SLC12A7: variants seen among roughly 807,000 people sequenced by gnomAD.
SLC12A7 encodes K-Cl cotransporter 4.
In SLC12A7, 100 loss-of-function variants were observed where a neutral mutation model predicts 120.6. That is an observed-to-expected ratio of 0.83 (90% confidence interval 0.71 to 0.98). SLC12A7 has a LOEUF of 0.98. Ranked by LOEUF, SLC12A7 falls within the 50% of genes least tolerant of loss-of-function variation. The pLI, the probability that SLC12A7 is intolerant of heterozygous loss-of-function variation, is 0.00. For missense variants in SLC12A7, 1,373 were observed against 1,548.1 expected (o/e 0.89, Z 1.90); for synonymous variants, 760 against 678.0 (o/e 1.12, Z -1.88).
intron 21 of SLC12A7, among the ~76,000 whole-genome samples, chr5:1,059,312 C>T (rs1039948391): frequency 6.6e-6 from 1 of 152,246 alleles, no homozygotes; most frequent in Non-Finnish European, 1.5e-5. Context: ...GCAGCAGTCG[C>T]TGCTTAGTGA....
intron 17 of SLC12A7, among the ~76,000 whole-genome samples, chr5:1,066,956 A>T (rs1737119866): frequency 6.6e-6 from 1 of 152,048 alleles, no homozygotes. Flanking sequence ...GATCAGAGCC[A>T]CCACCTGCCT....
chr5:1,069,678 A>G (rs1258231595), intron 17 of SLC12A7, among the ~76,000 whole-genome samples: 1 of 152,202 alleles, frequency 6.6e-6, no homozygotes, highest in East Asian at 1.9e-4. Context: ...GTGGGCACTC[A>G]AAAGCTCCCT....
At chr5:1,143,143 A>G in the SLC12A7 span, among the ~76,000 whole-genome samples, 1 of 152,170 alleles carries the variant, frequency 6.6e-6, no homozygotes, top group Non-Finnish European at 1.5e-5. Flanking sequence ...CAGAAGCCGC[A>G]GCTCAAGGAT....
At chr5:1,134,121 G>C in the SLC12A7 span, among the ~76,000 whole-genome samples, 1 of 152,182 alleles carries the variant, frequency 6.6e-6, no homozygotes, top group East Asian at 1.9e-4. Context: ...AGAGAACTGG[G>C]TGGCTCTCCC....
At chr5:1,078,240 C>T (rs889300023) in intron 11 of SLC12A7, among the ~76,000 whole-genome samples, 2 of 152,120 alleles carry the variant, frequency 1.3e-5, no homozygotes, top group South Asian at 4.1e-4. Context: ...ACCTCAGGGT[C>T]GCTCTTGGGA....
the SLC12A7 span, among the ~76,000 whole-genome samples, chr5:1,137,814 G>T: frequency 6.6e-6 from 1 of 152,228 alleles, no homozygotes; most frequent in African/African-American, 2.4e-5. Context: ...CAGCACAAGC[G>T]CCTGGATCTG....
intron 17 of SLC12A7, among the ~76,000 whole-genome samples, chr5:1,066,390 A>C (rs1403839243): frequency 6.6e-6 from 1 of 152,170 alleles, no homozygotes; most frequent in African/African-American, 2.4e-5. Context: ...AATGAGATTT[A>C]CATGAGAGTT....
chr5:1,081,699 T>C lies in SLC12A7; in HGVS notation c.1175A>G (p.Lys392Arg). ...TYAHAGAFVE[K>R]KGVPSVPVAE... Reference sequence around the variant, plus strand: ...CACGGGCACCGAGGGCACACCTTTCTTCTCCACAAACGCCCCCGCGTGCGC... The same window carrying C: ...CACGGGCACCGAGGGCACACCTTTCCTCTCCACAAACGCCCCCGCGTGCGC... The change falls in exon 9 of 24, where the codon AAG becomes AGG. Residue 392 changes from lysine to arginine, a missense_variant. By Grantham distance (26) the Lys-to-Arg change is conservative. Coordinates refer to ENST00000264930, the MANE Select transcript of SLC12A7 (RefSeq NM_006598.3). The C allele has an allele frequency of 1.2e-6, 2 of 1,613,100 alleles. No homozygotes were observed. Among genetic ancestry groups the C allele is most frequent in the Non-Finnish European group, 1.7e-6 (2 of 1,179,978 alleles).
chr5:1,120,939 G>A, the SLC12A7 span, among the ~76,000 whole-genome samples: 2 of 152,328 alleles, frequency 1.3e-5, no homozygotes, highest in South Asian at 2.1e-4. Context: ...GCCCGAGCTC[G>A]GAGCTCACCC....
At chr5:1,109,983 C>T (rs1267915901) in intron 1 of SLC12A7, among the ~76,000 whole-genome samples, 4 of 152,232 alleles carry the variant, frequency 2.6e-5, no homozygotes, top group Non-Finnish European at 5.9e-5. Context: ...CCGGCTTCTG[C>T]AGGACCCCCG....
At chr5:1,085,542 GC>G in intron 6 of SLC12A7, 69 bp from the exon 7 acceptor site, 1 of 1,494,964 alleles carries the variant, frequency 6.7e-7, no homozygotes, top group Non-Finnish European at 8.9e-7. Context: ...CCTCCCGCAA[GC>G]CCCCAGCGCC....
the SLC12A7 span, among the ~76,000 whole-genome samples, chr5:1,134,447 G>A: frequency 6.6e-6 from 1 of 151,010 alleles, no homozygotes; most frequent in Admixed American, 6.6e-5. Flanking sequence ...TTCAGCCTGG[G>A]CAATAAGAGC....
intron 21 of SLC12A7, among the ~76,000 whole-genome samples, chr5:1,060,128 C>T (rs1315142073): frequency 1.3e-5 from 2 of 152,262 alleles, no homozygotes; most frequent in East Asian, 3.8e-4. Context: ...ACCCGCACGC[C>T]CAGGCTCCGA....
intron 20 of SLC12A7, 141 bp from the exon 21 acceptor site, chr5:1,060,592 C>T: frequency 1.5e-6 from 1 of 646,422 alleles, no homozygotes; most frequent in Non-Finnish European, 2.7e-6. Context: ...CCCCCTCTGG[C>T]TCTCAGGCCC....
chr5:1,103,539 T>C (rs769218457), intron 1 of SLC12A7, among the ~76,000 whole-genome samples: 22 of 152,206 alleles, frequency 1.4e-4, no homozygotes, highest in Admixed American at 9.1e-4. Flanking sequence ...ACTCACACGC[T>C]TCCCCCCTCA....
chr5:1,136,120 G>A, the SLC12A7 span, among the ~76,000 whole-genome samples: 1 of 152,192 alleles, frequency 6.6e-6, no homozygotes, highest in South Asian at 2.1e-4. Context: ...AGAGGAGACT[G>A]CGGAGAGGCC....
intron 10 of SLC12A7, among the ~76,000 whole-genome samples, 155 bp from the exon 11 acceptor site, chr5:1,078,913 C>A (rs1037091285): frequency 2.6e-5 from 4 of 152,050 alleles, no homozygotes; most frequent in African/African-American, 9.7e-5. Context: ...CATCCCATCC[C>A]GGGCACGTCC....
At chr5:1,130,680 G>A in the SLC12A7 span, among the ~76,000 whole-genome samples, 2 of 147,354 alleles carry the variant, frequency 1.4e-5, no homozygotes, top group African/African-American at 5.0e-5. Context: ...GTGCACCTGT[G>A]CCTGCCCAGA....
intron 22 of SLC12A7, among the ~76,000 whole-genome samples, chr5:1,054,171 C>T (rs1425997144): frequency 2.0e-5 from 3 of 152,244 alleles, no homozygotes; most frequent in African/African-American, 7.2e-5. Flanking sequence ...CCTGTCTGGC[C>T]AAGGGCTAAA....
Sources: gnomAD v4.1 joint callset for allele counts (sites outside exome capture counted in the v4.1 genomes callset) on GRCh38, gnomAD v4.1.1 for gene constraint, MANE v1.5 for transcripts, NCBI Gene and HGNC (gene_info 2026-07-23, HGNC 2026-07-21) for gene names.